DLG2: variants seen among roughly 807,000 people sequenced by gnomAD.
DLG2 encodes the protein disks large homolog 2.
DLG2 carries 45 observed loss-of-function variants against 132.5 expected under a neutral mutation model. The observed-to-expected ratio is 0.34, with a 90% CI of 0.27 to 0.44. DLG2 has a LOEUF of 0.44. Among genes scored for constraint, DLG2 ranks in the 20% least tolerant of loss-of-function variants. DLG2 has a pLI of 1.00. For synonymous variants in DLG2, 424 were observed against 419.6 expected (o/e 1.01, Z -0.13); for missense variants, 1,045 against 1,196.9 (o/e 0.87, Z 1.87).
chr11:83,541,922 G>T, intron 19 of DLG2, 64 bp from the exon 20 acceptor site: 1 of 1,468,670 alleles, frequency 6.8e-7, no homozygotes, highest in South Asian at 1.4e-5. Flanking sequence ...TAGGATTTAT[G>T]GTTTCAAATG....
chr11:84,991,536 A>AAAGG (rs1566593917), intron 6 of DLG2, among the ~76,000 whole-genome samples: 3 of 150,408 alleles, frequency 2.0e-5, no homozygotes, highest in African/African-American at 7.3e-5. Context: ...AGAAAGAAAG[A>AAAGG]AAGGAAGAAA....
chr11:83,847,109 T>C (rs1365000727), intron 16 of DLG2, among the ~76,000 whole-genome samples: 1 of 152,132 alleles, frequency 6.6e-6, no homozygotes, highest in Non-Finnish European at 1.5e-5. Context: ...AAAAGGAATG[T>C]TTTTTGATAA....
intron 6 of DLG2, among the ~76,000 whole-genome samples, chr11:85,087,175 C>T (rs2068048213): frequency 6.6e-6 from 1 of 152,076 alleles, no homozygotes; most frequent in African/African-American, 2.4e-5. Context: ...CTGGCCATTA[C>T]AGAGCTTACA....
intron 7 of DLG2, among the ~76,000 whole-genome samples, chr11:84,335,130 A>G (rs2098477703): frequency 6.6e-6 from 1 of 150,406 alleles, no homozygotes. Flanking sequence ...ACAAAAAAGA[A>G]TAAAGCAAGA....
chr11:84,370,338 T>A (rs2154428313), intron 7 of DLG2, among the ~76,000 whole-genome samples: 1 of 152,292 alleles, frequency 6.6e-6, no homozygotes, highest in East Asian at 1.9e-4. Flanking sequence ...ATAAACTATG[T>A]AATTACACCT....
chr11:85,032,572 C>A (rs867070715), intron 6 of DLG2, among the ~76,000 whole-genome samples: 3 of 152,096 alleles, frequency 2.0e-5, no homozygotes, highest in South Asian at 4.1e-4. Flanking sequence ...GAAAGGTGGT[C>A]TGCTCTAAAG....
intron 18 of DLG2, among the ~76,000 whole-genome samples, chr11:83,671,237 G>A (rs1357547540): frequency 6.6e-6 from 1 of 152,154 alleles, no homozygotes; most frequent in African/African-American, 2.4e-5. Context: ...TAATTAGAGT[G>A]CTGCATTTAT....
chr11:84,590,587 C>A (rs1029126309), intron 6 of DLG2, among the ~76,000 whole-genome samples: 6 of 151,828 alleles, frequency 4.0e-5, no homozygotes, highest in Admixed American at 3.9e-4. Flanking sequence ...GATAATGGCT[C>A]GTAGGGGAAA....
chr11:85,206,383 C>A (rs1487991763), intron 4 of DLG2, among the ~76,000 whole-genome samples: 1 of 152,086 alleles, frequency 6.6e-6, no homozygotes, highest in Admixed American at 6.6e-5. Flanking sequence ...GCCAGATAGA[C>A]CTGGGTTGGA....
At chr11:84,558,714 C>T (rs2099416918) in intron 6 of DLG2, among the ~76,000 whole-genome samples, 2 of 152,170 alleles carry the variant, frequency 1.3e-5, no homozygotes, top group South Asian at 2.1e-4. Context: ...AACATTCCAG[C>T]TCTCAGGGCA....
intron 6 of DLG2, among the ~76,000 whole-genome samples, chr11:85,066,097 T>A (rs946228889): frequency 2.6e-5 from 4 of 151,160 alleles, no homozygotes; most frequent in African/African-American, 9.7e-5. Context: ...ATAAGCAAAA[T>A]CAGAAATGAT....
At chr11:84,317,382 C>A in intron 7 of DLG2, 1 of 1,368,180 alleles carries the variant, frequency 7.3e-7, no homozygotes, top group Admixed American at 3.2e-5. Context: ...ACTCACAGAG[C>A]AACTTGACAG....
At chr11:84,988,906 A>C (rs2056795723) in intron 6 of DLG2, among the ~76,000 whole-genome samples, 1 of 152,160 alleles carries the variant, frequency 6.6e-6, no homozygotes, top group African/African-American at 2.4e-5. Context: ...GATCAGAAAG[A>C]AAGAAAGAAA....
At chr11:84,775,948 T>C (rs958399604) in intron 6 of DLG2, among the ~76,000 whole-genome samples, 19 of 152,322 alleles carry the variant, frequency 1.2e-4, no homozygotes, top group African/African-American at 4.1e-4. Context: ...TTAAAACTTC[T>C]GTTGGATGTA....
At chr11:83,650,167 T>C (rs2069703586) in intron 18 of DLG2, among the ~76,000 whole-genome samples, 1 of 152,328 alleles carries the variant, frequency 6.6e-6, no homozygotes, top group African/African-American at 2.4e-5. Flanking sequence ...CCCCCAAGTA[T>C]ATCTATATCC....
chr11:85,623,729 T>G (rs983435693), intron 2 of DLG2, among the ~76,000 whole-genome samples: 6 of 152,350 alleles, frequency 3.9e-5, no homozygotes, highest in Admixed American at 3.9e-4. Flanking sequence ...AGCTGCATTG[T>G]ACTAGAAAAT....
chr11:85,414,495 A>T (rs1385781477), intron 3 of DLG2, among the ~76,000 whole-genome samples: 2 of 151,868 alleles, frequency 1.3e-5, no homozygotes, highest in Non-Finnish European at 2.9e-5. Flanking sequence ...AAATTTGTTG[A>T]GGCTCATTTT....
At chr11:85,247,560 T>C (rs983413298) in intron 4 of DLG2, among the ~76,000 whole-genome samples, 2 of 152,018 alleles carry the variant, frequency 1.3e-5, no homozygotes, top group African/African-American at 2.4e-5. Context: ...TTATTAGTAA[T>C]TGAATAAAAA....
chr11:84,525,522 A>G (rs1430888824), intron 7 of DLG2, among the ~76,000 whole-genome samples: 1 of 151,886 alleles, frequency 6.6e-6, no homozygotes, highest in Non-Finnish European at 1.5e-5. Flanking sequence ...CTTCCCTTCA[A>G]CCCCAATACC....
Sources: gnomAD v4.1 joint callset for allele counts (sites outside exome capture counted in the v4.1 genomes callset) on GRCh38, gnomAD v4.1.1 for gene constraint, MANE v1.5 for transcripts, NCBI Gene and HGNC (gene_info 2026-07-23, HGNC 2026-07-21) for gene names.